The following MED12L variants were observed in gnomAD, a reference collection of about 807,000 sequenced individuals.
MED12L encodes the protein mediator complex subunit 12L.
MED12L carries 60 observed loss-of-function variants against 281.3 expected under a neutral mutation model. The observed-to-expected ratio is 0.21, with a 90% confidence interval of 0.17 to 0.26. MED12L has a LOEUF of 0.26. MED12L is among the 10% of genes least tolerant of loss of function. The pLI is 1.00. For missense variants in MED12L, 2,146 were observed against 2,680.9 expected (o/e 0.80, Z 4.41); for synonymous variants, 974 against 987.2 (o/e 0.99, Z 0.25).
chr3:151,341,566 C>CT (rs56101716), intron 16 of MED12L, among the ~76,000 whole-genome samples: 102,783 of 148,392 alleles, frequency 0.69, 35,560 homozygotes, highest in South Asian at 0.83. Flanking sequence ...GCTGCTTTAA[C>CT]TTTTTTTTTT....
intron 42 of MED12L, 25 bp downstream of exon 42, chr3:151,413,320 A>G (rs746620977): frequency 6.2e-6 from 10 of 1,610,840 alleles, no homozygotes; most frequent in Middle Eastern, 1.7e-4. Context: ...GATGAGGGCA[A>G]TGCCATCACC....
intron 16 of MED12L, among the ~76,000 whole-genome samples, chr3:151,317,467 G>A (rs373738503): frequency 7.7e-4 from 2 of 2,582 alleles, no homozygotes; most frequent in South Asian, 0.038. Flanking sequence ...TTTTTTTTTT[G>A]TGAGACGGAG....
chr3:151,184,466 T>G (rs1223144129), intron 11 of MED12L, among the ~76,000 whole-genome samples: 1 of 152,224 alleles, frequency 6.6e-6, no homozygotes, highest in East Asian at 1.9e-4. Context: ...TGGCATCATG[T>G]TTATCCCCAT....
intron 16 of MED12L, among the ~76,000 whole-genome samples, chr3:151,229,363 A>T (rs1259965086): frequency 7.1e-6 from 1 of 141,096 alleles, no homozygotes; most frequent in Non-Finnish European, 1.5e-5. Flanking sequence ...GCTGGAGGGC[A>T]GTTTCGTGAT....
chr3:151,122,384 A>C (rs1195168344), intron 3 of MED12L, among the ~76,000 whole-genome samples: 2 of 152,156 alleles, frequency 1.3e-5, no homozygotes, highest in African/African-American at 4.8e-5. Flanking sequence ...AAGAATGATT[A>C]CCGAGTGATT....
intron 11 of MED12L, among the ~76,000 whole-genome samples, chr3:151,166,468 C>T (rs995383227): frequency 2.6e-5 from 4 of 151,078 alleles, no homozygotes; most frequent in East Asian, 3.9e-4. Context: ...TATGTGTATG[C>T]GTACATATAT....
At chr3:151,371,814 G>A (rs557290310) in intron 26 of MED12L, among the ~76,000 whole-genome samples, 2 of 152,262 alleles carry the variant, frequency 1.3e-5, no homozygotes, top group South Asian at 4.1e-4. Flanking sequence ...AAATATGATA[G>A]TTATTTGTCT....
Position 151,376,082 on chromosome 3 carries a change from A to G in MED12L, c.3921A>G (p.Glu1307=), listed in dbSNP as rs1756819033. The G allele has an allele frequency of 6.2e-7, 1 of 1,611,156 alleles. No homozygotes were observed. The highest frequency in any genetic ancestry group is 1.3e-5 in the African/African-American group (1 of 74,738). ...CTGAAAGATTATGTACAGACAAAGAACTTATATTGGACCCTGTGCTTTCAA... is the reference window on the plus strand; with the variant it reads ...CTGAAAGATTATGTACAGACAAAGAGCTTATATTGGACCCTGTGCTTTCAA... ...KEPERLCTDK[E]LILDPVLSNM... is the part of the protein sequence containing the mutation. The change falls in exon 28 of 45, where the codon GAA becomes GAG. Residue 1307 remains glutamate, a synonymous_variant. Coordinates refer to ENST00000687756, the MANE Select transcript of MED12L (RefSeq NM_001393769.1).
intron 16 of MED12L, among the ~76,000 whole-genome samples, chr3:151,265,821 AT>A (rs916269910): frequency 2.6e-5 from 4 of 152,238 alleles, no homozygotes; most frequent in African/African-American, 9.6e-5. Flanking sequence ...CTCCCTGCAA[AT>A]TAAAGTCAGA....
At position 151,327,934 on chromosome 3, in the gene MED12L, T is replaced by C. The variant is rs2149861171; in HGVS notation, c.2251-22125T>C. On this transcript the variant is annotated intron_variant, in intron 16 of 44. Coordinates refer to ENST00000687756, the MANE Select transcript of MED12L (RefSeq NM_001393769.1). ...CTTTTTTTCTTGGTTAAATTTGATT[T>C]CCACATTATCTACGGAAGTCTCATC... is the stretch of plus-strand genomic sequence containing the variant. 6 of 1,244,180 alleles carry C rather than the reference T, an allele frequency of 4.8e-6. No homozygotes were observed. The Admixed American group carries it at 1.6e-4, about 33-fold the overall frequency. 77.1% of individuals were successfully genotyped at this position (1,244,180 alleles called of 1,614,324 possible).
intron 16 of MED12L, among the ~76,000 whole-genome samples, chr3:151,265,948 G>C (rs1245154720): frequency 1.3e-5 from 2 of 152,134 alleles, no homozygotes; most frequent in East Asian, 3.9e-4. Flanking sequence ...ATCAGCGCTG[G>C]GCAAGTCTGA....
chr3:151,103,110 A>G (rs759707523), intron 2 of MED12L, among the ~76,000 whole-genome samples: 1 of 152,250 alleles, frequency 6.6e-6, no homozygotes, highest in Non-Finnish European at 1.5e-5. Flanking sequence ...TAAGGGATCT[A>G]AAGAGAAAAC....
intron 16 of MED12L, among the ~76,000 whole-genome samples, chr3:151,252,266 A>G (rs1737006736): frequency 6.6e-6 from 1 of 152,230 alleles, no homozygotes; most frequent in Non-Finnish European, 1.5e-5. Flanking sequence ...TGTGGGAGGT[A>G]CAACCAGGAG....
chr3:151,406,398 C>CCAT (rs1435861784), intron 39 of MED12L, among the ~76,000 whole-genome samples: 1 of 152,154 alleles, frequency 6.6e-6, no homozygotes, highest in African/African-American at 2.4e-5. Context: ...AAGTAGGAAT[C>CCAT]CATTTCATTC....
intron 5 of MED12L, among the ~76,000 whole-genome samples, chr3:151,149,362 G>A (rs889972910): frequency 2.0e-5 from 3 of 152,154 alleles, no homozygotes; most frequent in South Asian, 2.1e-4. Context: ...TTTTGGTTTC[G>A]TAGTGCATAT....
intron 38 of MED12L, among the ~76,000 whole-genome samples, chr3:151,391,995 G>A (rs1714293029): frequency 6.6e-6 from 1 of 152,078 alleles, no homozygotes; most frequent in South Asian, 2.1e-4. Flanking sequence ...TTAAACTTTG[G>A]AGATGTAGAA....
At position 151,338,139 on chromosome 3, in the gene MED12L, A is replaced by G. The variant is rs763135685; in HGVS notation, c.2251-11920A>G. On this transcript the variant is annotated intron_variant, in intron 16 of 44. Transcript: ENST00000687756. ...TACAGCAATGATAATGAAAACTTTG[A>G]CGTTCACCTTTTTCCTGGGGACTTT... 4 of 1,614,080 alleles carry G rather than the reference A, an allele frequency of 2.5e-6. No individual in the cohort carries two copies. The South Asian group carries it at 4.4e-5, about 18-fold the overall frequency.
At chr3:151,381,525 A>C (rs968426176) in intron 32 of MED12L, among the ~76,000 whole-genome samples, 9 of 152,114 alleles carry the variant, frequency 5.9e-5, no homozygotes, top group Non-Finnish European at 5.9e-5. Flanking sequence ...TTCTCATTTC[A>C]GTGCCTGTGC....
At position 151,423,411 on chromosome 3, in the gene MED12L, T is replaced by C. The variant is rs1402073187; in HGVS notation, c.6409-6888T>C. Among the ~76,000 whole-genome samples, 9 of 152,260 alleles carry C rather than the reference T, an allele frequency of 5.9e-5. No individual in the cohort carries two copies. In the East Asian group the frequency reaches 1.7e-3, roughly 29 times the overall value. On this transcript the variant is annotated intron_variant, in intron 43 of 44. Coordinates refer to ENST00000687756, the MANE Select transcript of MED12L (RefSeq NM_001393769.1). ...GAAATTAGTGCTTCTTTAAAACGTG[T>C]CACCAGAAAACAGAGTTTTTCTGTG...
Sources: allele counts gnomAD v4.1 joint callset (sites outside exome capture counted in the v4.1 genomes callset), GRCh38; gene constraint gnomAD v4.1.1; transcripts MANE v1.5; gene names NCBI Gene and HGNC (gene_info 2026-07-23, HGNC 2026-07-21).